Variants in GPLD1 observed in about 807,000 individuals in gnomAD.
The protein encoded by GPLD1 is glycosylphosphatidylinositol specific phospholipase D1.
Under a neutral mutation model 112.6 loss-of-function variants are expected in GPLD1, and 84 were observed. That is an observed-to-expected ratio of 0.75 (90% CI 0.63 to 0.89). The LOEUF (loss-of-function observed/expected upper bound fraction) is 0.89. Among genes scored for constraint, GPLD1 ranks in the 40% least tolerant of loss-of-function variants. The probability of loss-of-function intolerance (pLI) is 0.00; values close to 1 mark genes in which losing one functional copy is unlikely to be tolerated. For synonymous variants in GPLD1, 386 were observed against 403.8 expected (o/e 0.96, Z 0.53); for missense variants, 1,044 against 1,051.5 (o/e 0.99, Z 0.10).
intron 14 of GPLD1, among the ~76,000 whole-genome samples, chr6:24,453,209 T>C (rs892049092): frequency 1.3e-5 from 2 of 152,200 alleles, no homozygotes; most frequent in Non-Finnish European, 2.9e-5. Context: ...GTTTAGTTAA[T>C]AGTGATGTAC....
At chr6:24,494,811 C>G (rs2127378534) in intron 1 of GPLD1, 1 of 621,012 alleles carries the variant, frequency 1.6e-6, no homozygotes, top group Admixed American at 4.5e-5. Context: ...GAGGGCGGCG[C>G]GGCGGTGCAG....
intron 20 of GPLD1, among the ~76,000 whole-genome samples, chr6:24,442,482 T>C (rs1384740631): frequency 7.7e-6 from 1 of 129,368 alleles, no homozygotes; most frequent in Non-Finnish European, 1.6e-5. Context: ...TTTCACTCTG[T>C]CACCCAGGCT....
At chr6:24,480,940 C>T (rs1764182077) in intron 2 of GPLD1, among the ~76,000 whole-genome samples, 1 of 152,248 alleles carries the variant, frequency 6.6e-6, no homozygotes, top group Admixed American at 6.5e-5. Context: ...GCAGCTCTGG[C>T]TTCCCACGTG....
chr6:24,449,568 T>C (rs190272857), intron 15 of GPLD1, among the ~76,000 whole-genome samples: 322 of 152,170 alleles, frequency 2.1e-3, no homozygotes, highest in African/African-American at 6.9e-3. Flanking sequence ...TGGGAAACCA[T>C]AGGGCCAAAA....
Position 24,428,992 on chromosome 6 carries a change from A to C in GPLD1, c.*40T>G. 1 of 1,366,060 alleles carries C rather than the reference A, an allele frequency of 7.3e-7. No individual in the cohort carries two copies. The highest frequency in any genetic ancestry group is 1.0e-6 in the Non-Finnish European group (1 of 959,718). 84.6% of individuals were successfully genotyped at this position (1,366,060 alleles called of 1,614,324 possible). ...ATGCTCACCATGGATGTGATTCAGC[A>C]TGAGAGAGGTGGGCAGAGTGGGGAA... On this transcript the variant is annotated 3_prime_UTR_variant, in exon 25 of 25. Coordinates refer to ENST00000230036, the MANE Select transcript of GPLD1 (RefSeq NM_001503.4).
chr6:24,480,990 G>A (rs77307634), intron 2 of GPLD1, among the ~76,000 whole-genome samples: 9,224 of 152,274 alleles, frequency 0.061, 833 homozygotes, highest in African/African-American at 0.2. Context: ...TGTTAGTAAG[G>A]CAGGTGCCCG....
intron 14 of GPLD1, among the ~76,000 whole-genome samples, chr6:24,451,583 G>T (rs1763089353): frequency 6.6e-6 from 1 of 152,016 alleles, no homozygotes; most frequent in African/African-American, 2.4e-5. Context: ...GGATCTGCCC[G>T]CCTTGGCCTC....
At chr6:24,458,503 T>C (rs183807514) in intron 12 of GPLD1, among the ~76,000 whole-genome samples, 3 of 71,328 alleles carry the variant, frequency 4.2e-5, no homozygotes, top group Admixed American at 1.8e-4. Flanking sequence ...TGTGCTTTGA[T>C]AGAGGTTCCC....
At chr6:24,444,357 A>G (rs1376319888) in intron 20 of GPLD1, among the ~76,000 whole-genome samples, 3 of 152,130 alleles carry the variant, frequency 2.0e-5, no homozygotes, top group Admixed American at 2.0e-4. Context: ...TGACAATATC[A>G]TATATAGTAT....
intron 7 of GPLD1, among the ~76,000 whole-genome samples, chr6:24,469,102 T>C (rs538555738): frequency 2.6e-5 from 4 of 152,322 alleles, no homozygotes; most frequent in Non-Finnish European, 4.4e-5. Flanking sequence ...TCTTTTAATT[T>C]AAAAATCCTC....
At chr6:24,474,333 T>C (rs964847500) in intron 5 of GPLD1, among the ~76,000 whole-genome samples, 3 of 152,070 alleles carry the variant, frequency 2.0e-5, no homozygotes, top group African/African-American at 4.8e-5. Context: ...GTAATTAACA[T>C]AAATTAAGGA....
At chr6:24,486,373 C>G (rs368334823) in intron 1 of GPLD1, among the ~76,000 whole-genome samples, 2 of 152,190 alleles carry the variant, frequency 1.3e-5, no homozygotes, top group Non-Finnish European at 2.9e-5. Flanking sequence ...TATTAAATAA[C>G]TCTATGAGCT....
chr6:24,435,652 T>C (rs1007368449), intron 22 of GPLD1, among the ~76,000 whole-genome samples: 7 of 150,988 alleles, frequency 4.6e-5, no homozygotes, highest in Non-Finnish European at 7.4e-5. Flanking sequence ...GGTGAAACCC[T>C]GTCTCTACTA....
intron 3 of GPLD1, among the ~76,000 whole-genome samples, chr6:24,476,813 T>C (rs1035801038): frequency 5.3e-5 from 8 of 152,146 alleles, no homozygotes; most frequent in African/African-American, 1.9e-4. Flanking sequence ...GGCCAGTGCG[T>C]GTCCCATGTA....
intron 2 of GPLD1, among the ~76,000 whole-genome samples, chr6:24,485,097 T>C (rs1308139860): frequency 6.6e-6 from 1 of 151,998 alleles, no homozygotes; most frequent in Admixed American, 6.6e-5. Flanking sequence ...ATAGCAGGAG[T>C]TGGATGAAGA....
Position 24,456,369 on chromosome 6 carries a change from C to T in GPLD1, c.1148+129G>A, listed in dbSNP as rs542889110. On this transcript the variant is annotated intron_variant, in intron 13 of 24. Transcript: ENST00000230036. ...CCAAGATCAAGCCACTGTACTCCAG[C>T]CTGGGTGACAAGTGAGACTCTGTCT... The T allele has an allele frequency of 1.5e-4, 98 of 643,426 alleles. 2 individuals carry two copies. The African/African-American group carries it at 1.7e-3, about 11-fold the overall frequency. 39.9% of individuals were successfully genotyped at this position (643,426 alleles called of 1,614,324 possible).
chr6:24,447,314 T>A (rs948881192), intron 17 of GPLD1, among the ~76,000 whole-genome samples: 6 of 151,288 alleles, frequency 4.0e-5, no homozygotes, highest in African/African-American at 7.3e-5. Context: ...AAGACCAGCC[T>A]GACCAATATG....
chr6:24,424,829 T>C (rs968970150), downstream of GPLD1: 1 of 152,204 alleles, frequency 6.6e-6, no homozygotes, highest in African/African-American at 2.4e-5. Flanking sequence ...CCTAATGTGA[T>C]GTCATATGAG....
chr6:24,429,545 TA>T (rs1248289507), intron 24 of GPLD1, among the ~76,000 whole-genome samples: 4 of 152,322 alleles, frequency 2.6e-5, no homozygotes, highest in East Asian at 3.9e-4. Context: ...TGCAAGTTTT[TA>T]AAACATTTTC....
Sources: allele counts gnomAD v4.1 joint callset (sites outside exome capture counted in the v4.1 genomes callset), GRCh38; gene constraint gnomAD v4.1.1; transcripts MANE v1.5; gene names NCBI Gene and HGNC (gene_info 2026-07-23, HGNC 2026-07-21).